ZHX2: variants seen among roughly 807,000 people sequenced by gnomAD.
The protein encoded by ZHX2 is zinc fingers and homeoboxes protein 2.
ZHX2 carries 6 observed loss-of-function variants against 21.9 expected under a neutral mutation model. The ratio of observed to expected loss-of-function variants is 0.27; its 90% CI spans 0.15 to 0.54. ZHX2 has a LOEUF of 0.54. ZHX2 is among the 20% of genes least tolerant of loss of function. The probability of loss-of-function intolerance (pLI) is 0.95; values close to 1 mark genes in which losing one functional copy is unlikely to be tolerated. For synonymous variants in ZHX2, 434 were observed against 437.1 expected (o/e 0.99, Z 0.09); for missense variants, 908 against 1,090.7 (o/e 0.83, Z 2.36).
At position 122,953,714 on chromosome 8, in the gene ZHX2, A is replaced by G. The variant is rs774942927; in HGVS notation, c.2204A>G (p.Lys735Arg). ...DVVPQYYKDP[K>R]KLCEEDLEKL... ...GTTCCACAATATTACAAGGACCCCA[A>G]AAAGCTCTGCGAAGAGGACTTGGAG... Residue 735 changes from lysine to arginine, a missense_variant, in exon 3 of 4, where the codon AAA becomes AGA. Around this residue, in one of 4 missense-constraint regions of ZHX2, gnomAD observed 431 missense variants for 428.6 expected, o/e 1.01. Coordinates refer to ENST00000314393, the MANE Select transcript of ZHX2 (RefSeq NM_014943.5). This position sits in a 1 kb window ranked among gnomAD's most constrained non-coding sequence, Gnocchi z 4.6. The G allele has an allele frequency of 6.8e-6, 11 of 1,614,250 alleles. No individual in the cohort carries two copies. Among genetic ancestry groups the G allele is most frequent in the South Asian group, 1.1e-5 (1 of 91,086 alleles).
chr8:122,807,072 C>T (rs568097609), intron 1 of ZHX2, among the ~76,000 whole-genome samples: 1 of 152,064 alleles, frequency 6.6e-6, no homozygotes, highest in African/African-American at 2.4e-5. Context: ...GTGGAAGGGG[C>T]CCTTGGTGAG....
chr8:122,848,227 C>T lies in ZHX2; in HGVS notation c.-282-15250C>T, dbSNP rs543222629. Among the ~76,000 whole-genome samples, 52 of 151,970 alleles carry T rather than the reference C, an allele frequency of 3.4e-4. 1 individual carries two copies. The highest frequency in any genetic ancestry group is 6.0e-4 in the Non-Finnish European group (41 of 68,002). ...GTTGTTGCGTCTCTGTGTGTGTGTG[C>T]GCCTGAAAGAGAGAAGGGTCTCCGA... On this transcript the variant is annotated intron_variant, in intron 1 of 3. Transcript: ENST00000314393.
chr8:122,875,889 C>T (rs1194759533), intron 2 of ZHX2, among the ~76,000 whole-genome samples: 8 of 152,208 alleles, frequency 5.3e-5, no homozygotes, highest in Admixed American at 3.3e-4. Flanking sequence ...TTCCCTGACC[C>T]CTTTTCCCTA....
intron 1 of ZHX2, among the ~76,000 whole-genome samples, chr8:122,808,199 T>C (rs1482065044): frequency 6.6e-6 from 1 of 152,352 alleles, no homozygotes; most frequent in South Asian, 2.1e-4. Context: ...CAGATTTATA[T>C]ATATGTATGC....
intron 3 of ZHX2, among the ~76,000 whole-genome samples, chr8:122,970,577 C>T (rs1326901585): frequency 6.6e-6 from 1 of 152,210 alleles, no homozygotes; most frequent in Non-Finnish European, 1.5e-5. Flanking sequence ...CCACCCCATC[C>T]TGCAGTCCTG....
In ZHX2 at chr8:122,951,496, A is replaced by G; in HGVS notation, c.-15A>G. On this transcript the variant is annotated 5_prime_UTR_variant, in exon 3 of 4. Transcript: ENST00000314393. ...TCCCCCTCCAAAAATAAGCCATTGC[A>G]CACAGACAGGCAGCATGGCTAGCAA... 6.2e-7 allele frequency: 1 copy of G among 1,603,050 alleles called. No individual in the cohort carries two copies. The highest frequency in any genetic ancestry group is 2.2e-5 in the East Asian group (1 of 44,746).
intron 1 of ZHX2, among the ~76,000 whole-genome samples, chr8:122,824,968 G>A (rs1198369577): frequency 6.6e-6 from 1 of 152,198 alleles, no homozygotes; most frequent in South Asian, 2.1e-4. Flanking sequence ...TTCTCCAGCC[G>A]CATCATTCCA....
chr8:122,924,444 T>G (rs1399862568), intron 2 of ZHX2, among the ~76,000 whole-genome samples: 1 of 152,228 alleles, frequency 6.6e-6, no homozygotes, highest in Non-Finnish European at 1.5e-5. Flanking sequence ...AAGACCCTAT[T>G]TCCAAATAGA....
intron 1 of ZHX2, among the ~76,000 whole-genome samples, chr8:122,820,161 G>A (rs190973822): frequency 3.9e-5 from 6 of 152,188 alleles, no homozygotes; most frequent in Admixed American, 2.0e-4. Flanking sequence ...GGGAAAAGCC[G>A]GCTGCTCTCC....
chr8:122,935,054 T>C (rs1380240541), intron 2 of ZHX2, among the ~76,000 whole-genome samples: 1 of 152,194 alleles, frequency 6.6e-6, no homozygotes, highest in East Asian at 1.9e-4. Context: ...CCGTGTGCTA[T>C]ATAGTTTTTT....
Position 122,953,965 on chromosome 8 carries a change from G to A in ZHX2, c.2455G>A (p.Val819Met), listed in dbSNP as rs145283871. 8 of 1,613,808 alleles carry A rather than the reference G, an allele frequency of 5.0e-6. No individual in the cohort carries two copies. The highest frequency in any genetic ancestry group is 4.0e-5 in the African/African-American group (3 of 74,928). ...CTGGAGTCAGGCTGCGGCAGAAGGTGTGTCGGAACTGGCTGAATCAGACTC... is the reference window on the plus strand; with the variant it reads ...CTGGAGTCAGGCTGCGGCAGAAGGTATGTCGGAACTGGCTGAATCAGACTC... ...DSWSQAAAEG[V>M]SELAESDSDC... The change falls in exon 3 of 4, where the codon GTG becomes ATG. Residue 819 changes from valine (V) to methionine (M), a missense_variant. Val to Met is a conservative substitution (Grantham distance 21, BLOSUM62 1). This residue lies in a region of ZHX2 where 431 missense variants were observed against 428.6 expected (regional missense o/e 1.01). Transcript: ENST00000314393. The surrounding 1 kb of genome is among the most constrained non-coding windows in gnomAD (Gnocchi z 4.6).
intron 2 of ZHX2, among the ~76,000 whole-genome samples, chr8:122,906,453 G>C (rs964902041): frequency 6.6e-6 from 1 of 152,174 alleles, no homozygotes; most frequent in African/African-American, 2.4e-5. Flanking sequence ...GGGAATCGTA[G>C]CTGCGACACA....
chr8:122,917,101 T>C lies in ZHX2; in HGVS notation c.-219-34191T>C, dbSNP rs548518206. ...CATTCATCCCACGCAGTGTTATAATTATGACCTGCGTTTCTCAGGGCTCCC... is the reference window on the plus strand; with the variant it reads ...CATTCATCCCACGCAGTGTTATAATCATGACCTGCGTTTCTCAGGGCTCCC... On this transcript the variant is annotated intron_variant, in intron 2 of 3. Coordinates refer to ENST00000314393, the MANE Select transcript of ZHX2 (RefSeq NM_014943.5). 1.5e-3 allele frequency among the ~76,000 whole-genome samples: 228 copies of C among 152,180 alleles called. 3 individuals carry two copies. Among genetic ancestry groups the C allele is most frequent in the African/African-American group, 5.2e-3 (218 of 41,528 alleles).
chr8:122,841,797 C>T (rs147206781), intron 1 of ZHX2, among the ~76,000 whole-genome samples: 47 of 152,082 alleles, frequency 3.1e-4, no homozygotes, highest in African/African-American at 9.7e-4. Flanking sequence ...AGCCGCTAAG[C>T]GTCTGTGTGA....
At chr8:122,891,064 G>T (rs1406449038) in intron 2 of ZHX2, among the ~76,000 whole-genome samples, 1 of 152,148 alleles carries the variant, frequency 6.6e-6, no homozygotes, top group Non-Finnish European at 1.5e-5. Context: ...CTCATAGAAT[G>T]AGTTTAGAAG....
intron 2 of ZHX2, among the ~76,000 whole-genome samples, chr8:122,917,754 C>G (rs899122979): frequency 1.3e-5 from 2 of 152,176 alleles, no homozygotes; most frequent in African/African-American, 2.4e-5. Context: ...AAATCACTAT[C>G]AAGCCTGTGT....
At chr8:122,877,703 G>T (rs58065896) in intron 2 of ZHX2, among the ~76,000 whole-genome samples, 1 of 152,208 alleles carries the variant, frequency 6.6e-6, no homozygotes, top group Non-Finnish European at 1.5e-5. Context: ...AGTGGCTGCA[G>T]GTGACTTGAA....
intron 1 of ZHX2, among the ~76,000 whole-genome samples, chr8:122,842,694 C>T (rs1192151216): frequency 1.3e-5 from 2 of 151,830 alleles, no homozygotes; most frequent in East Asian, 1.9e-4. Context: ...GGTGACAGAG[C>T]GAGACTCCAT....
chr8:122,790,210 A>G (rs1027174760), intron 1 of ZHX2, among the ~76,000 whole-genome samples: 2 of 152,212 alleles, frequency 1.3e-5, no homozygotes, highest in Non-Finnish European at 2.9e-5. Context: ...AGCTGAAAAA[A>G]AATTTAGGGA....
Sources: gnomAD v4.1 joint callset for allele counts (sites outside exome capture counted in the v4.1 genomes callset) on GRCh38, gnomAD v4.1.1 for gene constraint, gnomAD v4.1.1 regional missense constraint, Gnocchi (gnomAD v3.1) non-coding constraint, MANE v1.5 for transcripts, NCBI Gene and HGNC (gene_info 2026-07-23, HGNC 2026-07-21) for gene names.